Variants in ITPR2 observed in about 807,000 individuals in gnomAD.
ITPR2 encodes the protein inositol 1,4,5-trisphosphate-gated calcium channel ITPR2.
Under a neutral mutation model 317.1 loss-of-function variants are expected in ITPR2, and 207 were observed. The observed-to-expected ratio is 0.65, with a 90% CI of 0.58 to 0.73. The LOEUF is 0.73. Ranked by LOEUF, ITPR2 falls within the 30% of genes least tolerant of loss-of-function variation. ITPR2 has a pLI of 0.00. For missense variants in ITPR2, 2,613 were observed against 3,284.0 expected, an observed-to-expected ratio of 0.80 and a Z score of 4.99; for synonymous variants, 1,156 against 1,149.1, an observed-to-expected ratio of 1.01 and a Z score of -0.12.
intron 55 of ITPR2, among the ~76,000 whole-genome samples, chr12:26,341,058 C>T (rs896652664): frequency 6.6e-6 from 1 of 152,140 alleles, no homozygotes; most frequent in Admixed American, 6.5e-5. Flanking sequence ...AGACTCTGCT[C>T]GATTGTCTAA....
At chr12:26,580,268 C>T (rs1945371426) in intron 32 of ITPR2, 113 bp from the exon 33 acceptor site, 1 of 928,572 alleles carries the variant, frequency 1.1e-6, no homozygotes, top group African/African-American at 1.7e-5. Flanking sequence ...ATTTCTTCTG[C>T]TTTTTAAAGT....
intron 21 of ITPR2, among the ~76,000 whole-genome samples, chr12:26,653,520 G>A (rs948976036): frequency 3.3e-5 from 5 of 152,152 alleles, no homozygotes; most frequent in African/African-American, 7.2e-5. Context: ...GATTACAGGC[G>A]TGAGCCACCG....
intron 55 of ITPR2, among the ~76,000 whole-genome samples, chr12:26,360,005 G>A (rs149119303): frequency 6.6e-6 from 1 of 152,102 alleles, no homozygotes; most frequent in South Asian, 2.1e-4. Flanking sequence ...CATGGCTCTC[G>A]CAATCTACTG....
intron 48 of ITPR2, among the ~76,000 whole-genome samples, chr12:26,432,903 C>G (rs981425594): frequency 1.3e-5 from 2 of 152,152 alleles, no homozygotes; most frequent in African/African-American, 2.4e-5. Context: ...TCTCACCCAC[C>G]TCTAAATCAC....
chr12:26,663,563 T>A, intron 15 of ITPR2, 122 bp downstream of exon 15: 2 of 965,710 alleles, frequency 2.1e-6, no homozygotes, highest in East Asian at 5.0e-5. Context: ...TTGCCCAACA[T>A]AAAATATTTC....
intron 48 of ITPR2, among the ~76,000 whole-genome samples, chr12:26,430,367 G>A (rs1055526763): frequency 1.3e-5 from 2 of 152,178 alleles, no homozygotes; most frequent in African/African-American, 4.8e-5. Flanking sequence ...AGGTTCAAGT[G>A]ATTCTCCTGC....
At chr12:26,453,992 T>C (rs1941810784) in intron 45 of ITPR2, among the ~76,000 whole-genome samples, 1 of 152,116 alleles carries the variant, frequency 6.6e-6, no homozygotes, top group East Asian at 1.9e-4. Context: ...TTAATAAATA[T>C]TTTTTGGATG....
At position 26,336,521 on chromosome 12, in the gene ITPR2, A is replaced by G. The variant is rs951404855; in HGVS notation, c.*2876T>C. The G allele has an allele frequency of 6.6e-6, 1 of 152,224 alleles. No homozygotes were observed. The highest frequency in any genetic ancestry group is 1.5e-5 in the Non-Finnish European group (1 of 68,034). 9.4% of individuals were successfully genotyped at this position (152,224 alleles called of 1,614,324 possible). A position where few individuals can be genotyped will look rare whatever the true frequency, so the allele number is the denominator to read the frequency against. Reference sequence around the variant, plus strand: ...GGGTAGAAAATATGATAAATTTTGCATACATACAATTTATTTATTTATATT... The same window carrying G: ...GGGTAGAAAATATGATAAATTTTGCGTACATACAATTTATTTATTTATATT... On this transcript the variant is annotated 3_prime_UTR_variant, in exon 57 of 57. Coordinates refer to ENST00000381340, the MANE Select transcript of ITPR2 (RefSeq NM_002223.4).
rs965561200 is a variant in ITPR2, at chr12:26,607,123, G to A, written c.3463-4417C>T. Among the ~76,000 whole-genome samples the A allele has an allele frequency of 3.3e-5, 5 of 152,120 alleles. No homozygotes were observed. In the South Asian group the frequency reaches 6.2e-4, roughly 19 times the overall value. ...CCCTATCCCACTGAAGTTTAAGGAG[G>A]TCCATCCTCAGCAAAGTTGCCAAGT... On this transcript the variant is annotated intron_variant, in intron 26 of 56. Coordinates refer to ENST00000381340, the MANE Select transcript of ITPR2 (RefSeq NM_002223.4).
chr12:26,572,071 T>C (rs1376781046), intron 34 of ITPR2, among the ~76,000 whole-genome samples: 2 of 152,224 alleles, frequency 1.3e-5, no homozygotes, highest in Non-Finnish European at 2.9e-5. Flanking sequence ...TTTGTTGCAT[T>C]TTAAATATGC....
At chr12:26,624,404 G>GATAA in intron 23 of ITPR2, 48 bp from the exon 24 acceptor site, 1 of 1,312,852 alleles carries the variant, frequency 7.6e-7, no homozygotes, top group Non-Finnish European at 1.1e-6. Context: ...TTTTAATTAG[G>GATAA]AGCCATAATA....
chr12:26,681,808 A>T, intron 13 of ITPR2, 66 bp downstream of exon 13: 1 of 1,158,984 alleles, frequency 8.6e-7, no homozygotes, highest in Non-Finnish European at 1.3e-6. Context: ...TCATTCATTC[A>T]TATCAGGCTT....
In ITPR2 at chr12:26,565,030, C is replaced by T. The variant is rs558214446; in HGVS notation, c.4631-3078G>A. The stretch of plus-strand genomic sequence containing the variant: ...GCATTGAATGCTAAAAGATCCAATA[C>T]CTTTATAGATGAAAAATTTTGAAAC... On this transcript the variant is annotated intron_variant, in intron 34 of 56. Coordinates refer to ENST00000381340, the MANE Select transcript of ITPR2 (RefSeq NM_002223.4). Among the ~76,000 whole-genome samples the T allele has an allele frequency of 5.5e-4, 84 of 152,220 alleles. 2 individuals carry two copies. In the South Asian group the frequency reaches 0.017, roughly 31 times the overall value.
intron 45 of ITPR2, among the ~76,000 whole-genome samples, chr12:26,473,581 T>C (rs914784465): frequency 3.3e-5 from 5 of 152,250 alleles, no homozygotes; most frequent in African/African-American, 1.2e-4. Context: ...CTTGCCTTTT[T>C]GACCTTGCTT....
chr12:26,599,201 T>C lies in ITPR2; in HGVS notation c.3946A>G (p.Ile1316Val), dbSNP rs755217810. 3 of 1,613,982 alleles carry C rather than the reference T, an allele frequency of 1.9e-6. No individual in the cohort carries two copies. Among genetic ancestry groups the C allele is most frequent in the African/African-American group, 2.7e-5 (2 of 74,926 alleles). ...ACATATTTACCATCTGCTTTTACAA[T>C]TGTTTGCAAAAACCTCAGGTACTCC... ...HVEYLRFLQT[I>V]VKADGKYVKK... Residue 1316 changes from isoleucine to valine, a missense_variant, in exon 30 of 57, where the codon ATT becomes GTT. Coordinates refer to ENST00000381340, the MANE Select transcript of ITPR2 (RefSeq NM_002223.4).
At chr12:26,470,456 CTAAT>C in intron 45 of ITPR2, among the ~76,000 whole-genome samples, 1 of 152,192 alleles carries the variant, frequency 6.6e-6, no homozygotes, top group South Asian at 2.1e-4. Context: ...GTTATTATCC[CTAAT>C]TAAACTTCAT....
chr12:26,746,142 A>C (rs1255513902), intron 2 of ITPR2, among the ~76,000 whole-genome samples: 3 of 152,038 alleles, frequency 2.0e-5, no homozygotes, highest in African/African-American at 7.2e-5. Context: ...AATATGAAAC[A>C]TATCACCCCA....
chr12:26,535,515 A>T (rs898634478), intron 37 of ITPR2, among the ~76,000 whole-genome samples: 2 of 152,228 alleles, frequency 1.3e-5, no homozygotes, highest in Non-Finnish European at 2.9e-5. Flanking sequence ...TCACTGTCCA[A>T]TTCAAAATAA....
intron 21 of ITPR2, among the ~76,000 whole-genome samples, chr12:26,653,003 A>G (rs2136894767): frequency 6.6e-6 from 1 of 152,318 alleles, no homozygotes; most frequent in African/African-American, 2.4e-5. Flanking sequence ...CATTCCCTCA[A>G]TTCTTGCAAG....
Sources: allele counts gnomAD v4.1 joint callset (sites outside exome capture counted in the v4.1 genomes callset), GRCh38; gene constraint gnomAD v4.1.1; transcripts MANE v1.5; gene names NCBI Gene and HGNC (gene_info 2026-07-23, HGNC 2026-07-21).